Variants in NKAIN2 observed in about 807,000 individuals in gnomAD.
The protein encoded by NKAIN2 is sodium/potassium-transporting ATPase subunit beta-1-interacting protein 2.
Under a neutral mutation model 32.6 loss-of-function variants are expected in NKAIN2, and 14 were observed. That is an observed-to-expected ratio of 0.43 (90% CI 0.28 to 0.67). The LOEUF (loss-of-function observed/expected upper bound fraction) is 0.67. Among genes scored for constraint, NKAIN2 ranks in the 30% least tolerant of loss-of-function variants. NKAIN2 has a pLI of 0.17. For synonymous variants in NKAIN2, 80 were observed against 87.2 expected, an observed-to-expected ratio of 0.92 and a Z score of 0.46; for missense variants, 198 against 258.3, an observed-to-expected ratio of 0.77 and a Z score of 1.60.
chr6:124,728,273 C>G (rs9388367), intron 4 of NKAIN2, among the ~76,000 whole-genome samples: 23,159 of 68,872 alleles, frequency 0.34, 3,425 homozygotes, highest in East Asian at 0.43. Context: ...AGCACCACAC[C>G]ACACCTATTC....
chr6:124,315,864 A>G (rs1796929262), intron 2 of NKAIN2, among the ~76,000 whole-genome samples: 1 of 152,050 alleles, frequency 6.6e-6, no homozygotes, highest in Non-Finnish European at 1.5e-5. Flanking sequence ...AAAACATTTT[A>G]TTTTCCTATT....
At chr6:123,842,283 C>A (rs1327909998) in intron 1 of NKAIN2, among the ~76,000 whole-genome samples, 1 of 152,164 alleles carries the variant, frequency 6.6e-6, no homozygotes, top group African/African-American at 2.4e-5. Context: ...CTGAGAAATC[C>A]AAGATCAAAG....
chr6:124,323,989 C>T (rs1042478523), intron 2 of NKAIN2, among the ~76,000 whole-genome samples: 2 of 151,908 alleles, frequency 1.3e-5, no homozygotes, highest in African/African-American at 4.8e-5. Flanking sequence ...GACGGGGTTA[C>T]ACCGTGTTAG....
chr6:123,854,578 C>A (rs564740812), intron 1 of NKAIN2, among the ~76,000 whole-genome samples: 1 of 152,278 alleles, frequency 6.6e-6, no homozygotes, highest in East Asian at 1.9e-4. Flanking sequence ...AGGTGCTGTG[C>A]CAAATGTTTC....
At position 124,077,771 on chromosome 6, in the gene NKAIN2, T is replaced by A. The variant is rs1783759994; in HGVS notation, c.55-205234T>A. Among the ~76,000 whole-genome samples, 2 of 151,862 alleles carry A rather than the reference T, an allele frequency of 1.3e-5. 1 individual carries two copies. The highest frequency in any genetic ancestry group is 4.2e-4 in the South Asian group (2 of 4,816). Reference sequence around the variant, plus strand: ...ACCACCACACCCAGCTATTTTTTTTTTATTTTTTGTGGAGTTGAAGGCTTC... The same window carrying A: ...ACCACCACACCCAGCTATTTTTTTTATATTTTTTGTGGAGTTGAAGGCTTC... On this transcript the variant is annotated intron_variant, in intron 1 of 6. Coordinates refer to ENST00000368417, the MANE Select transcript of NKAIN2 (RefSeq NM_001040214.3).
At chr6:124,034,315 A>T (rs1206543704) in intron 1 of NKAIN2, among the ~76,000 whole-genome samples, 1 of 151,520 alleles carries the variant, frequency 6.6e-6, no homozygotes, top group Non-Finnish European at 1.5e-5. Flanking sequence ...CTCCATGTCT[A>T]TTGTTTCCAT....
chr6:124,462,108 C>A (rs1302474358), intron 3 of NKAIN2, among the ~76,000 whole-genome samples: 4 of 151,762 alleles, frequency 2.6e-5, no homozygotes, highest in African/African-American at 4.8e-5. Flanking sequence ...ATAAATCTAT[C>A]TTCTACAGTC....
chr6:124,022,732 AT>A (rs1434993313), intron 1 of NKAIN2, among the ~76,000 whole-genome samples: 1 of 152,322 alleles, frequency 6.6e-6, no homozygotes, highest in East Asian at 1.9e-4. Flanking sequence ...TTGGAAACAG[AT>A]TAGCAATTTA....
intron 1 of NKAIN2, chr6:123,829,095 C>T (rs1774269396): frequency 6.6e-6 from 1 of 152,184 alleles, no homozygotes; most frequent in African/African-American, 2.4e-5. Context: ...TTATCTATTA[C>T]ACCTTTACAA....
rs143409968 is a variant in NKAIN2, at chr6:124,655,984, T to C, written c.274-2202T>C. On this transcript the variant is annotated intron_variant, in intron 3 of 6. Transcript: ENST00000368417. ...GAACTGGATTGTGTTCTTGCTGGGC[T>C]GTCCAAGCCTGGCTGCCCTCATGGC... Among the ~76,000 whole-genome samples the C allele has an allele frequency of 5.7e-3, 875 of 152,218 alleles. 4 individuals are homozygous for C. Among genetic ancestry groups the C allele is most frequent in the Non-Finnish European group, 4.9e-3 (336 of 68,014 alleles).
intron 3 of NKAIN2, among the ~76,000 whole-genome samples, chr6:124,614,770 G>A (rs182099827): frequency 2.0e-5 from 3 of 152,204 alleles, no homozygotes; most frequent in African/African-American, 7.2e-5. Context: ...AAATCTGAGA[G>A]TATGTCACAG....
chr6:124,045,023 G>A (rs760397464), intron 1 of NKAIN2, among the ~76,000 whole-genome samples: 1 of 151,912 alleles, frequency 6.6e-6, no homozygotes, highest in Non-Finnish European at 1.5e-5. Context: ...CTTTGCCTTT[G>A]TGCTTGGAAT....
rs202051282 is a variant in NKAIN2 at position 124,221,978 on chromosome 6, C to CA, written c.55-61026dup. On this transcript the variant is annotated intron_variant, in intron 1 of 6. Coordinates refer to ENST00000368417, the MANE Select transcript of NKAIN2 (RefSeq NM_001040214.3). ...GAGAAATTAATATCTTCTTGAGCAACATTTGTTCTTTTTCACTCTGATAAG... is the reference window on the plus strand; with the variant it reads ...GAGAAATTAATATCTTCTTGAGCAACAATTTGTTCTTTTTCACTCTGATAAG... Among the ~76,000 whole-genome samples the CA allele has an allele frequency of 8.3e-3, 1,262 of 152,260 alleles. 7 individuals carry two copies. The highest frequency in any genetic ancestry group is 0.011 in the Non-Finnish European group (756 of 68,016).
intron 2 of NKAIN2, among the ~76,000 whole-genome samples, chr6:124,342,293 C>T (rs565421766): frequency 2.0e-5 from 3 of 150,724 alleles, no homozygotes; most frequent in African/African-American, 7.3e-5. Flanking sequence ...CCTGTAGTCC[C>T]AGCTACTCAG....
At chr6:124,174,639 G>C (rs914512541) in intron 1 of NKAIN2, among the ~76,000 whole-genome samples, 2 of 152,020 alleles carry the variant, frequency 1.3e-5, no homozygotes, top group African/African-American at 4.8e-5. Context: ...TTTCAACTAG[G>C]GAATGGTCAA....
intron 1 of NKAIN2, among the ~76,000 whole-genome samples, chr6:124,244,543 C>A (rs1228423837): frequency 6.6e-6 from 1 of 151,916 alleles, no homozygotes; most frequent in Non-Finnish European, 1.5e-5. Context: ...ACTATTGCTG[C>A]TCTTTGTATT....
chr6:124,315,185 A>G (rs936781578), intron 2 of NKAIN2, among the ~76,000 whole-genome samples: 1 of 152,074 alleles, frequency 6.6e-6, no homozygotes. Context: ...CCACATTTGT[A>G]AGATCTTTGG....
chr6:124,618,724 A>G (rs1181052963), intron 3 of NKAIN2, among the ~76,000 whole-genome samples: 2 of 152,220 alleles, frequency 1.3e-5, no homozygotes, highest in African/African-American at 2.4e-5. Context: ...ACCGGCAATG[A>G]GAACCATATT....
chr6:123,919,148 T>G (rs76509458), intron 1 of NKAIN2, among the ~76,000 whole-genome samples: 1,874 of 152,204 alleles, frequency 0.012, 38 homozygotes, highest in African/African-American at 0.043. Flanking sequence ...ATATTGTATG[T>G]TTTATAATTA....
Sources: gnomAD v4.1 joint callset for allele counts (sites outside exome capture counted in the v4.1 genomes callset) on GRCh38, gnomAD v4.1.1 for gene constraint, MANE v1.5 for transcripts, NCBI Gene and HGNC (gene_info 2026-07-23, HGNC 2026-07-21) for gene names.